The following C21orf58 variants were observed in gnomAD, a reference collection of about 807,000 sequenced individuals.
C21orf58 encodes chromosome 21 open reading frame 58.
In C21orf58, 34 loss-of-function variants were observed where a neutral mutation model predicts 35.8. That is an observed-to-expected ratio of 0.95 (90% CI 0.72 to 1.26). C21orf58 has a LOEUF of 1.26. Among genes scored for constraint, C21orf58 ranks in the 50% most tolerant of loss-of-function variants. The pLI is 0.00. For missense variants in C21orf58, 440 were observed against 414.3 expected (o/e 1.06, Z -0.54); for synonymous variants, 191 against 175.8 (o/e 1.09, Z -0.68).
chr21:46,314,258 A>G (rs1190973367), intron 5 of C21orf58, among the ~76,000 whole-genome samples: 1 of 151,540 alleles, frequency 6.6e-6, no homozygotes, highest in Non-Finnish European at 1.5e-5. Context: ...TTGTATTTTT[A>G]GTAGAGACAG....
intron 4 of C21orf58, chr21:46,315,188 C>A (rs1349472319): frequency 3.2e-6 from 2 of 630,032 alleles, no homozygotes; most frequent in East Asian, 2.8e-5. Flanking sequence ...ACCTCCCCTG[C>A]ATCTCTGCCA....
In C21orf58 at chr21:46,323,411, C is replaced by T. The variant is rs895973138; in HGVS notation, c.-673G>A. On this transcript the variant is annotated 5_prime_UTR_variant, in exon 1 of 8. It removes the in-frame stop codon of an upstream open reading frame in the 5' UTR. Coordinates refer to ENST00000291691, the MANE Select transcript of C21orf58 (RefSeq NM_058180.5). ...TTTTCTTTTCTTTTTTTTTTGAGACCTAAGACATCAGTGAGACACACGAGC... is the reference window on the plus strand; with the variant it reads ...TTTTCTTTTCTTTTTTTTTTGAGACTTAAGACATCAGTGAGACACACGAGC... 1.6e-4 allele frequency: 25 copies of T among 151,944 alleles called. No individual in the cohort carries two copies. The highest frequency in any genetic ancestry group is 5.8e-4 in the African/African-American group (24 of 41,354). The allele number at this position is 151,944 out of a possible 1,614,324, so 9.4% of individuals were successfully genotyped here.
At chr21:46,304,391 G>T (rs2082321386) in intron 6 of C21orf58, among the ~76,000 whole-genome samples, 1 of 151,808 alleles carries the variant, frequency 6.6e-6, no homozygotes, top group African/African-American at 2.4e-5. Context: ...GGAGGCTGAG[G>T]TGGGAGGAGT....
Position 46,317,188 on chromosome 21 carries a change from A to G in C21orf58, c.370+20T>C, listed in dbSNP as rs766398271. 16 of 1,606,864 alleles carry G rather than the reference A, an allele frequency of 1.0e-5. No homozygotes were observed. In the East Asian group the frequency reaches 1.8e-4, roughly 18 times the overall value. ...CTTGCGTCTGTCTGTGCTGGTTCCA[A>G]GCAGCCCAGGGGCTCTCACCTGGCT... is the stretch of plus-strand genomic sequence containing the variant. On this transcript the variant is annotated intron_variant, in intron 3 of 7. Transcript: ENST00000291691.
At chr21:46,308,040 CTG>C (rs1326190963) in intron 6 of C21orf58, among the ~76,000 whole-genome samples, 1 of 151,968 alleles carries the variant, frequency 6.6e-6, no homozygotes, top group Admixed American at 6.5e-5. Context: ...GTCACCCAGG[CTG>C]GAGTACAAAG....
chr21:46,320,340 T>G (rs1297001972), intron 1 of C21orf58, among the ~76,000 whole-genome samples: 1 of 151,872 alleles, frequency 6.6e-6, no homozygotes, highest in Non-Finnish European at 1.5e-5. Context: ...TGACCTCAAG[T>G]GATCTGCCGT....
At chr21:46,316,621 T>TG (rs928244183) in intron 3 of C21orf58, among the ~76,000 whole-genome samples, 14 of 152,114 alleles carry the variant, frequency 9.2e-5, no homozygotes, top group South Asian at 6.2e-4. Context: ...AGCCAGCCCT[T>TG]GGGGGGGTCC....
chr21:46,320,059 GC>G lies in C21orf58; in HGVS notation c.101-1840del, dbSNP rs779158130. ...TAATTTAGTTAAGCAACTGTATAGA[GC>G]ACCCTTGATATAAGTGACCTCATCT... On this transcript the variant is annotated intron_variant, in intron 1 of 7. Coordinates refer to ENST00000291691, the MANE Select transcript of C21orf58 (RefSeq NM_058180.5). Among the ~76,000 whole-genome samples the G allele has an allele frequency of 3.9e-5, 6 of 152,146 alleles. No individual in the cohort carries two copies. In the South Asian group the frequency reaches 8.3e-4, roughly 21 times the overall value.
intron 1 of C21orf58, among the ~76,000 whole-genome samples, chr21:46,321,775 G>C (rs1345816426): frequency 6.6e-6 from 1 of 152,012 alleles, no homozygotes; most frequent in East Asian, 1.9e-4. Flanking sequence ...CAATAAAGTG[G>C]CTCTTTCCCT....
rs2054658428 is a variant in C21orf58 at position 46,315,542 on chromosome 21, C to T, written c.376G>A (p.Glu126Lys). The T allele has an allele frequency of 6.2e-7, 1 of 1,609,264 alleles. No homozygotes were observed. Among genetic ancestry groups the T allele is most frequent in the Non-Finnish European group, 8.5e-7 (1 of 1,176,150 alleles). The part of the protein sequence containing the change: ...PEGLHLEPGN[E>K]DRPDDALQTA... ...TGCAGGGCATCGTCCGGCCGGTCCT[C>T]ATTTCCTGGAGGGAAGAACCTGCTT... The change falls in exon 4 of 8, where the codon GAG (glutamate) becomes AAG (lysine). Residue 126 changes from glutamate (E) to lysine (K), a missense_variant. Coordinates refer to ENST00000291691, the MANE Select transcript of C21orf58 (RefSeq NM_058180.5).
At position 46,317,490 on chromosome 21, in the gene C21orf58, A is replaced by G. The variant is rs2083016826; in HGVS notation, c.310-222T>C. The G allele has an allele frequency of 5.6e-6, 4 of 712,602 alleles. No individual in the cohort carries two copies. The East Asian group carries it at 1.1e-4, about 20-fold the overall frequency. 44.1% of individuals were successfully genotyped at this position (712,602 alleles called of 1,614,324 possible). On this transcript the variant is annotated intron_variant, in intron 2 of 7. Coordinates refer to ENST00000291691, the MANE Select transcript of C21orf58 (RefSeq NM_058180.5). The stretch of plus-strand genomic sequence containing the variant: ...ATTCATGTGTTCCATCCACAAGTCT[A>G]GGGGCGGATGCTCTGAGTGGTCCCT...
intron 4 of C21orf58, 86 bp downstream of exon 4, chr21:46,315,388 A>G: frequency 1.2e-6 from 1 of 867,030 alleles, no homozygotes; most frequent in Non-Finnish European, 2.0e-6. Context: ...CTTCCCTAAT[A>G]CTCCCCGACC....
intron 7 of C21orf58, 25 bp downstream of exon 7, chr21:46,302,460 G>A (rs763349697): frequency 1.3e-6 from 2 of 1,557,936 alleles, no homozygotes; most frequent in Non-Finnish European, 8.8e-7. Flanking sequence ...CCTTGGCCTA[G>A]GGTTCTGCTG....
At chr21:46,310,712 G>A (rs1037221428) in intron 6 of C21orf58, among the ~76,000 whole-genome samples, 3 of 151,416 alleles carry the variant, frequency 2.0e-5, no homozygotes, top group Non-Finnish European at 2.9e-5. Flanking sequence ...GGGAGGCTGA[G>A]GCAGGAGAAG....
Position 46,315,099 on chromosome 21 carries a change from C to T in C21orf58, c.445-219G>A, listed in dbSNP as rs1467338395. On this transcript the variant is annotated intron_variant, in intron 4 of 7. Transcript: ENST00000291691. ...CTAGTTTCCAGTTGTTTTCTTTTTC[C>T]AGCCCCAGGGTCTGTTCTCTCTTTC... The T allele has an allele frequency of 6.0e-6, 8 of 1,342,588 alleles. No individual in the cohort carries two copies. The South Asian group carries it at 1.0e-4, about 17-fold the overall frequency. 83.2% of individuals were successfully genotyped at this position (1,342,588 alleles called of 1,614,324 possible). A position where few individuals can be genotyped will look rare whatever the true frequency, so the allele number is the denominator to read the frequency against.
chr21:46,301,086 T>C (rs1378075998), downstream of C21orf58: 13 of 418,560 alleles, frequency 3.1e-5, no homozygotes, highest in East Asian at 4.9e-4. Flanking sequence ...GCACTCTCCC[T>C]TTTTTTTTTT....
chr21:46,314,607 G>A, intron 5 of C21orf58, 109 bp downstream of exon 5: 1 of 870,984 alleles, frequency 1.1e-6, no homozygotes, highest in Non-Finnish European at 1.7e-6. Flanking sequence ...GGAGGATGGG[G>A]GTGACGAGGC....
downstream of C21orf58, chr21:46,300,540 G>A: frequency 1.5e-6 from 1 of 657,858 alleles, no homozygotes; most frequent in Non-Finnish European, 2.0e-6. Context: ...AGAGCACAGA[G>A]TCTCTGGAAT....
intron 6 of C21orf58, among the ~76,000 whole-genome samples, chr21:46,306,510 T>A (rs529104810): frequency 3.3e-5 from 5 of 149,752 alleles, no homozygotes; most frequent in African/African-American, 1.0e-4. Flanking sequence ...AAAAAAAAAA[T>A]CTTTTATGAA....
Sources: gnomAD v4.1 joint callset for allele counts (sites outside exome capture counted in the v4.1 genomes callset) on GRCh38, gnomAD v4.1.1 for gene constraint, MANE v1.5 for transcripts, NCBI Gene and HGNC (gene_info 2026-07-23, HGNC 2026-07-21) for gene names.